Variants in CDKAL1 observed in about 807,000 individuals in gnomAD.
CDKAL1 encodes CDKAL1 threonylcarbamoyladenosine tRNA methylthiotransferase.
In CDKAL1, 32 loss-of-function variants were observed where a neutral mutation model predicts 68.2. That is an observed-to-expected ratio of 0.47 (90% CI 0.35 to 0.63). CDKAL1 has a LOEUF of 0.63. Ranked by LOEUF, CDKAL1 falls within the 30% of genes least tolerant of loss-of-function variation. CDKAL1 has a pLI of 0.00. For synonymous variants in CDKAL1, 234 were observed against 244.3 expected, an observed-to-expected ratio of 0.96 and a Z score of 0.39; for missense variants, 606 against 696.7, an observed-to-expected ratio of 0.87 and a Z score of 1.47.
At chr6:20,745,015 G>T (rs62399297) in intron 6 of CDKAL1, among the ~76,000 whole-genome samples, 2 of 152,218 alleles carry the variant, frequency 1.3e-5, no homozygotes, top group African/African-American at 2.4e-5. Flanking sequence ...TTGAAAATTT[G>T]TAAATGACAA....
At chr6:20,816,212 C>G (rs1777041460) in intron 8 of CDKAL1, among the ~76,000 whole-genome samples, 2 of 148,884 alleles carry the variant, frequency 1.3e-5, no homozygotes, top group African/African-American at 4.9e-5. Context: ...TTAATTATAT[C>G]TACAAAGACC....
At chr6:20,896,007 T>C (rs1367874756) in intron 9 of CDKAL1, among the ~76,000 whole-genome samples, 1 of 151,998 alleles carries the variant, frequency 6.6e-6, no homozygotes, top group African/African-American at 2.4e-5. Flanking sequence ...AATAGCATTC[T>C]GAGCAATGAC....
chr6:21,105,831 C>T (rs755028962), intron 12 of CDKAL1, among the ~76,000 whole-genome samples: 22 of 152,124 alleles, frequency 1.4e-4, no homozygotes, highest in Non-Finnish European at 2.4e-4. Context: ...AAGATGTGGT[C>T]GTGGGCTAAC....
intron 12 of CDKAL1, among the ~76,000 whole-genome samples, chr6:21,080,347 A>G (rs140782009): frequency 6.6e-6 from 1 of 152,286 alleles, no homozygotes; most frequent in East Asian, 1.9e-4. Context: ...ATCTCATGAA[A>G]GAAAAGACTG....
intron 9 of CDKAL1, among the ~76,000 whole-genome samples, chr6:20,911,439 T>C (rs562287263): frequency 6.6e-6 from 1 of 152,354 alleles, no homozygotes; most frequent in South Asian, 2.1e-4. Context: ...GAATTCTACA[T>C]TTTGTTTCAC....
At chr6:20,789,606 T>A (rs1775814533) in intron 8 of CDKAL1, among the ~76,000 whole-genome samples, 1 of 152,242 alleles carries the variant, frequency 6.6e-6, no homozygotes, top group Non-Finnish European at 1.5e-5. Flanking sequence ...TGTTGTAGGA[T>A]TCTATTGCCC....
intron 13 of CDKAL1, among the ~76,000 whole-genome samples, chr6:21,173,803 C>G (rs1396150260): frequency 6.6e-6 from 1 of 152,228 alleles, no homozygotes; most frequent in Non-Finnish European, 1.5e-5. Context: ...GACGCAGTGA[C>G]TCATGCCTGT....
intron 8 of CDKAL1, among the ~76,000 whole-genome samples, chr6:20,838,288 G>A (rs577116192): frequency 1.4e-4 from 21 of 152,024 alleles, no homozygotes; most frequent in African/African-American, 3.9e-4. Context: ...TTCCTGTTTC[G>A]TTTTCAGCTT....
intron 15 of CDKAL1, among the ~76,000 whole-genome samples, chr6:21,204,605 C>A (rs1342455661): frequency 2.0e-5 from 3 of 152,152 alleles, no homozygotes; most frequent in Admixed American, 6.5e-5. Flanking sequence ...TGTGTTCACT[C>A]ATATCGCCCT....
intron 4 of CDKAL1, among the ~76,000 whole-genome samples, chr6:20,639,617 A>C (rs1768071410): frequency 6.6e-6 from 1 of 152,240 alleles, no homozygotes; most frequent in Non-Finnish European, 1.5e-5. Flanking sequence ...AAATAAAGAA[A>C]AATAAATGAA....
intron 11 of CDKAL1, among the ~76,000 whole-genome samples, chr6:21,004,356 C>A (rs904660579): frequency 6.6e-6 from 1 of 152,214 alleles, no homozygotes; most frequent in Non-Finnish European, 1.5e-5. Flanking sequence ...ATCATCACAA[C>A]AGCAGCTGGA....
intron 9 of CDKAL1, among the ~76,000 whole-genome samples, chr6:20,885,813 G>A (rs1761039347): frequency 6.6e-6 from 1 of 152,200 alleles, no homozygotes; most frequent in South Asian, 2.1e-4. Flanking sequence ...CTGATGCAAT[G>A]ACTCACACCT....
intron 11 of CDKAL1, among the ~76,000 whole-genome samples, chr6:21,048,815 T>C (rs1256318860): frequency 6.6e-6 from 1 of 151,642 alleles, no homozygotes; most frequent in Non-Finnish European, 1.5e-5. Flanking sequence ...TCTAAGTGGT[T>C]TTTTTTCAAG....
chr6:20,556,407 T>A lies in CDKAL1; in HGVS notation c.286+7702T>A, dbSNP rs528608155. On this transcript the variant is annotated intron_variant, in intron 4 of 15. Coordinates refer to ENST00000274695, the MANE Select transcript of CDKAL1 (RefSeq NM_017774.3). ...CTGTTTCTTCAGTTATAGATAGCAG[T>A]GTCAGCAGAGTGCTACCTGGTCCAT... Among the ~76,000 whole-genome samples, 16 of 151,802 alleles carry A rather than the reference T, an allele frequency of 1.1e-4. No homozygotes were observed. In the South Asian group the frequency reaches 3.3e-3, roughly 32 times the overall value.
chr6:20,798,981 C>CA (rs1277576213), intron 8 of CDKAL1, among the ~76,000 whole-genome samples: 1 of 120,940 alleles, frequency 8.3e-6, no homozygotes, highest in African/African-American at 3.1e-5. Context: ...TAAATTGGAA[C>CA]AAAGTCATCT....
chr6:20,975,257 A>G lies in CDKAL1; in HGVS notation c.909+19672A>G, dbSNP rs139752995. On this transcript the variant is annotated intron_variant, in intron 10 of 15. Coordinates refer to ENST00000274695, the MANE Select transcript of CDKAL1 (RefSeq NM_017774.3). ...TGATAGATATCCTTGCCTTGTAGAT[A>G]TCAATGCTGCAATTACTCAGATTCA... Among the ~76,000 whole-genome samples, 23 of 152,300 alleles carry G rather than the reference A, an allele frequency of 1.5e-4. No homozygotes were observed. The East Asian group carries it at 4.4e-3, about 29-fold the overall frequency.
intron 10 of CDKAL1, among the ~76,000 whole-genome samples, chr6:20,985,671 G>A (rs1766413387): frequency 6.6e-6 from 1 of 152,136 alleles, no homozygotes; most frequent in African/African-American, 2.4e-5. Context: ...TGTAATCCCA[G>A]CATTTTGAGA....
intron 12 of CDKAL1, among the ~76,000 whole-genome samples, chr6:21,103,103 A>C (rs1003890091): frequency 2.0e-5 from 3 of 152,240 alleles, no homozygotes; most frequent in African/African-American, 7.2e-5. Context: ...CCATAGTCTT[A>C]TTATAGCTTT....
At chr6:20,732,067 A>G (rs1434160313) in intron 5 of CDKAL1, among the ~76,000 whole-genome samples, 1 of 151,558 alleles carries the variant, frequency 6.6e-6, no homozygotes, top group Non-Finnish European at 1.5e-5. Context: ...TTTTTTTGAG[A>G]TGGAGTCTTG....
Sources: gnomAD v4.1 joint callset for allele counts (sites outside exome capture counted in the v4.1 genomes callset) on GRCh38, gnomAD v4.1.1 for gene constraint, MANE v1.5 for transcripts, NCBI Gene and HGNC (gene_info 2026-07-23, HGNC 2026-07-21) for gene names.